The following MYO10 variants were observed in gnomAD, a reference collection of about 807,000 sequenced individuals.
The protein encoded by MYO10 is myosin X.
In MYO10, 133 loss-of-function variants were observed where a neutral mutation model predicts 257.3. That is an observed-to-expected ratio of 0.52 (90% confidence interval 0.45 to 0.60). The LOEUF is 0.60. Ranked by LOEUF, MYO10 falls within the 20% of genes least tolerant of loss-of-function variation. The pLI, the probability that MYO10 is intolerant of heterozygous loss-of-function variation, is 0.00. For synonymous variants in MYO10, 1,104 were observed against 1,028.6 expected, an observed-to-expected ratio of 1.07 and a Z score of -1.40; for missense variants, 2,399 against 2,635.7, an observed-to-expected ratio of 0.91 and a Z score of 1.97.
chr5:16,865,970 T>G (rs76471397), intron 2 of MYO10, among the ~76,000 whole-genome samples: 7,627 of 150,746 alleles, frequency 0.051, 274 homozygotes, highest in South Asian at 0.17. Context: ...CATTTAAAAT[T>G]GTTAAAATTA....
intron 2 of MYO10, among the ~76,000 whole-genome samples, chr5:16,864,223 C>T (rs80000335): frequency 0.05 from 7,507 of 150,446 alleles, 266 homozygotes; most frequent in South Asian, 0.17. Flanking sequence ...CATATGATCA[C>T]AGTCTTAATG....
chr5:16,744,020 T>C (rs1261070685), intron 19 of MYO10, among the ~76,000 whole-genome samples: 3 of 152,186 alleles, frequency 2.0e-5, no homozygotes, highest in African/African-American at 7.2e-5. Flanking sequence ...AAAAAGTCTA[T>C]TAATGTTAAA....
At chr5:16,916,818 G>A (rs779460028) in intron 1 of MYO10, among the ~76,000 whole-genome samples, 3 of 152,174 alleles carry the variant, frequency 2.0e-5, no homozygotes, top group South Asian at 2.1e-4. Context: ...AAAGGTTCAC[G>A]TACCCCATTC....
At chr5:16,903,764 CAG>C (rs1236140543) in intron 1 of MYO10, among the ~76,000 whole-genome samples, 1 of 152,156 alleles carries the variant, frequency 6.6e-6, no homozygotes, top group African/African-American at 2.4e-5. Context: ...TTGTAAATAA[CAG>C]AAAGTGGCCA....
At chr5:16,758,944 C>T (rs1259129819) in intron 17 of MYO10, among the ~76,000 whole-genome samples, 1 of 150,688 alleles carries the variant, frequency 6.6e-6, no homozygotes, top group Non-Finnish European at 1.5e-5. Flanking sequence ...TTTTTTTAGA[C>T]AGAGTTTCGC....
At chr5:16,911,534 C>T (rs1329481288) in intron 1 of MYO10, among the ~76,000 whole-genome samples, 1 of 152,160 alleles carries the variant, frequency 6.6e-6, no homozygotes, top group African/African-American at 2.4e-5. Context: ...GAGTTCAAGA[C>T]TAGGCTGGCC....
intron 21 of MYO10, 52 bp downstream of exon 21, chr5:16,710,856 C>G (rs1028194506): frequency 3.4e-6 from 5 of 1,488,676 alleles, no homozygotes; most frequent in Non-Finnish European, 4.6e-6. Context: ...GTGAGCATCA[C>G]CCCGAGATCT....
intron 19 of MYO10, among the ~76,000 whole-genome samples, chr5:16,749,347 C>T (rs753352639): frequency 4.8e-4 from 73 of 151,962 alleles, no homozygotes; most frequent in Non-Finnish European, 5.6e-4. Context: ...ATCAGCTGGG[C>T]GTGGTTGCAC....
intron 4 of MYO10, among the ~76,000 whole-genome samples, chr5:16,790,147 A>G (rs564171948): frequency 6.6e-6 from 1 of 151,900 alleles, no homozygotes; most frequent in Non-Finnish European, 1.5e-5. Context: ...AAGACCAAAC[A>G]CTCAATTACC....
chr5:16,806,012 T>C (rs2126692683), intron 3 of MYO10, among the ~76,000 whole-genome samples: 1 of 152,284 alleles, frequency 6.6e-6, no homozygotes, highest in East Asian at 1.9e-4. Flanking sequence ...CAAAATATCA[T>C]GTTGTGTATC....
intron 1 of MYO10, among the ~76,000 whole-genome samples, chr5:16,907,511 A>G (rs1745550229): frequency 6.6e-6 from 1 of 152,188 alleles, no homozygotes; most frequent in South Asian, 2.1e-4. Context: ...TTTATTGAAA[A>G]AAAGAAAAAA....
At chr5:16,676,466 C>A (rs1736727570) in intron 33 of MYO10, among the ~76,000 whole-genome samples, 1 of 152,154 alleles carries the variant, frequency 6.6e-6, no homozygotes, top group Non-Finnish European at 1.5e-5. Flanking sequence ...CCTGTAATCC[C>A]CGCATTTTGG....
At chr5:16,692,439 T>TA (rs1278745819) in intron 27 of MYO10, among the ~76,000 whole-genome samples, 2 of 151,666 alleles carry the variant, frequency 1.3e-5, no homozygotes, top group Admixed American at 6.6e-5. Context: ...AAAATAAAAA[T>TA]AAAAAAATAA....
intron 1 of MYO10, among the ~76,000 whole-genome samples, chr5:16,891,950 T>A (rs1181873103): frequency 6.6e-6 from 1 of 152,222 alleles, no homozygotes; most frequent in Non-Finnish European, 1.5e-5. Flanking sequence ...ATACTTTCTC[T>A]AGAACACCAA....
chr5:16,911,316 C>G (rs971176590), intron 1 of MYO10, among the ~76,000 whole-genome samples: 1 of 152,202 alleles, frequency 6.6e-6, no homozygotes, highest in Non-Finnish European at 1.5e-5. Context: ...CATTCCATTC[C>G]CTTCCTTTGC....
chr5:16,808,234 G>T (rs998015435), intron 3 of MYO10, among the ~76,000 whole-genome samples: 1 of 152,162 alleles, frequency 6.6e-6, no homozygotes, highest in African/African-American at 2.4e-5. Flanking sequence ...AAGCCCAGGT[G>T]GGAGGATCGC....
At chr5:16,763,339 T>C in intron 14 of MYO10, 142 bp downstream of exon 14, 3 of 692,676 alleles carry the variant, frequency 4.3e-6, no homozygotes, top group South Asian at 1.8e-5. Flanking sequence ...ACATTTACAT[T>C]TATGTTTCCA....
At chr5:16,778,620 T>C (rs1375652977) in intron 9 of MYO10, among the ~76,000 whole-genome samples, 1 of 151,092 alleles carries the variant, frequency 6.6e-6, no homozygotes, top group African/African-American at 2.4e-5. Flanking sequence ...CTTCCGCTCC[T>C]GTAGTGACCT....
At chr5:16,686,142 A>G (rs1737242644) in intron 28 of MYO10, among the ~76,000 whole-genome samples, 1 of 137,424 alleles carries the variant, frequency 7.3e-6, no homozygotes, top group Admixed American at 7.2e-5. Context: ...AGAAATTAAC[A>G]GCAAATAATA....
Sources: gnomAD v4.1 joint callset for allele counts (sites outside exome capture counted in the v4.1 genomes callset) on GRCh38, gnomAD v4.1.1 for gene constraint, MANE v1.5 for transcripts, NCBI Gene and HGNC (gene_info 2026-07-23, HGNC 2026-07-21) for gene names.